The following SORCS3 variants were observed in gnomAD, a reference collection of about 807,000 sequenced individuals.
The protein encoded by SORCS3 is VPS10 domain-containing receptor SorCS3.
A neutral mutation model predicts 146.3 loss-of-function variants in SORCS3; 57 were observed. The ratio of observed to expected loss-of-function variants is 0.39; its 90% CI spans 0.31 to 0.49. The LOEUF is 0.49. Among genes scored for constraint, SORCS3 ranks in the 20% least tolerant of loss-of-function variants. The probability of loss-of-function intolerance (pLI) is 0.92; values close to 1 mark genes in which losing one functional copy is unlikely to be tolerated. For synonymous variants in SORCS3, 653 were observed against 618.5 expected (o/e 1.06, Z -0.83); for missense variants, 1,341 against 1,575.5 (o/e 0.85, Z 2.52).
At chr10:105,028,530 T>C (rs1419245902) in intron 4 of SORCS3, among the ~76,000 whole-genome samples, 1 of 152,166 alleles carries the variant, frequency 6.6e-6, no homozygotes, top group Non-Finnish European at 1.5e-5. Flanking sequence ...TATATCCACC[T>C]TGTGAATCTT....
intron 3 of SORCS3, among the ~76,000 whole-genome samples, chr10:104,955,152 T>C (rs967640048): frequency 1.3e-5 from 2 of 151,400 alleles, no homozygotes; most frequent in Admixed American, 6.6e-5. Context: ...AGAAGCCCTG[T>C]GACCATTAAG....
At chr10:105,154,936 A>G (rs557351268) in intron 9 of SORCS3, among the ~76,000 whole-genome samples, 44 of 152,368 alleles carry the variant, frequency 2.9e-4, no homozygotes, top group Admixed American at 1.0e-3. Context: ...AAAGTGATTC[A>G]GTAATAATGT....
intron 3 of SORCS3, among the ~76,000 whole-genome samples, chr10:104,931,466 A>G (rs1157508787): frequency 6.6e-6 from 1 of 152,226 alleles, no homozygotes; most frequent in Non-Finnish European, 1.5e-5. Context: ...GCCCAAGGGT[A>G]TAAATAAGGT....
intron 1 of SORCS3, among the ~76,000 whole-genome samples, chr10:104,767,427 A>G (rs1344246825): frequency 2.0e-5 from 3 of 152,138 alleles, no homozygotes; most frequent in Non-Finnish European, 4.4e-5. Flanking sequence ...GATACAGGCT[A>G]AGCCTTACCT....
intron 3 of SORCS3, among the ~76,000 whole-genome samples, chr10:104,971,450 C>T (rs979789766): frequency 3.3e-5 from 5 of 152,188 alleles, no homozygotes; most frequent in African/African-American, 1.2e-4. Flanking sequence ...GTCAAGGATG[C>T]ATCTTGGGCT....
At position 105,214,513 on chromosome 10, in the gene SORCS3, GC is replaced by G. The variant is rs1304672291; in HGVS notation, c.2450del (p.Pro817LeufsTer11). 1 of 1,614,070 alleles carries G rather than the reference GC, an allele frequency of 6.2e-7. No homozygotes were observed. Among genetic ancestry groups the G allele is most frequent in the Non-Finnish European group, 8.5e-7 (1 of 1,179,978 alleles). On this transcript the variant is annotated frameshift_variant, in exon 18 of 27. Coordinates refer to ENST00000369701, the MANE Select transcript of SORCS3 (RefSeq NM_014978.3). LOFTEE classifies it high-confidence loss of function. The stretch of plus-strand genomic sequence containing the variant: ...AAGTACACCGCCAAGGCCCAGATGT[GC>G]CCTGGAAAAGCCCCTCGGGGCCTCC... The part of the protein sequence containing the change: ...REKYTAKAQM[C>X]PGKAPRGLHV...
Position 105,047,532 on chromosome 10 carries a change from T to C in SORCS3, c.1028+4404T>C, listed in dbSNP as rs528820380. ...TATCAGGAACTTCAATTCTTACCCC[T>C]TTTCTGAGATATTTGGATTGCAACA... is the stretch of plus-strand genomic sequence containing the variant. On this transcript the variant is annotated intron_variant, in intron 5 of 26. Coordinates refer to ENST00000369701, the MANE Select transcript of SORCS3 (RefSeq NM_014978.3). Among the ~76,000 whole-genome samples the C allele has an allele frequency of 2.0e-5, 3 of 152,214 alleles. No individual in the cohort carries two copies. In the South Asian group the frequency reaches 6.2e-4, roughly 32 times the overall value.
At chr10:105,190,364 C>A (rs2056508488) in intron 14 of SORCS3, among the ~76,000 whole-genome samples, 1 of 152,248 alleles carries the variant, frequency 6.6e-6, no homozygotes, top group Non-Finnish European at 1.5e-5. Context: ...TGTTAGCATA[C>A]CCTCAGTGTT....
intron 14 of SORCS3, among the ~76,000 whole-genome samples, chr10:105,187,353 T>A (rs967951935): frequency 6.6e-6 from 1 of 152,158 alleles, no homozygotes; most frequent in African/African-American, 2.4e-5. Context: ...TCTATTAAGG[T>A]CTAGTTCATG....
chr10:105,252,913 G>T lies in SORCS3; in HGVS notation c.3237+7G>T. On this transcript the variant is annotated splice_region_variant and intron_variant, in intron 23 of 26. Coordinates refer to ENST00000369701, the MANE Select transcript of SORCS3 (RefSeq NM_014978.3). ...TGAAGGGGACCTGGAACAAGTAAGT[G>T]AAAGTAAATCTGGCTGGGACCCTTG... 1 of 1,613,530 alleles carries T rather than the reference G, an allele frequency of 6.2e-7. No individual in the cohort carries two copies. Among genetic ancestry groups the T allele is most frequent in the African/African-American group, 1.3e-5 (1 of 75,022 alleles).
intron 9 of SORCS3, among the ~76,000 whole-genome samples, chr10:105,155,977 C>T (rs369371825): frequency 2.3e-4 from 35 of 152,256 alleles, no homozygotes; most frequent in Admixed American, 8.5e-4. Flanking sequence ...CTTTTTATTT[C>T]GTCAATTAAA....
At chr10:105,251,751 T>G (rs2056899933) in intron 22 of SORCS3, among the ~76,000 whole-genome samples, 1 of 152,190 alleles carries the variant, frequency 6.6e-6, no homozygotes, top group African/African-American at 2.4e-5. Context: ...CTTTAAAAAT[T>G]TGCCTTCAGA....
chr10:104,668,723 A>G (rs1321306318), intron 1 of SORCS3, among the ~76,000 whole-genome samples: 1 of 152,228 alleles, frequency 6.6e-6, no homozygotes, highest in African/African-American at 2.4e-5. Flanking sequence ...AGCACAGATC[A>G]TATCTAGACT....
intron 2 of SORCS3, among the ~76,000 whole-genome samples, chr10:104,874,238 A>ATG (rs3070071): frequency 2.0e-4 from 1 of 5,068 alleles, no homozygotes; most frequent in African/African-American, 4.2e-3. Flanking sequence ...GCATTTTCAG[A>ATG]GTTTCTAGTT....
chr10:104,662,906 G>A (rs1015709789), intron 1 of SORCS3, among the ~76,000 whole-genome samples: 5 of 152,168 alleles, frequency 3.3e-5, no homozygotes, highest in Non-Finnish European at 7.3e-5. Flanking sequence ...CATGTAATTA[G>A]CAGTGGCATC....
intron 11 of SORCS3, among the ~76,000 whole-genome samples, chr10:105,161,251 G>A (rs892560205): frequency 3.9e-5 from 6 of 152,272 alleles, no homozygotes; most frequent in East Asian, 1.9e-4. Context: ...TCACTGGCGC[G>A]TGCCTCTTCA....
At chr10:104,935,935 C>A (rs753626241) in intron 3 of SORCS3, among the ~76,000 whole-genome samples, 3 of 152,078 alleles carry the variant, frequency 2.0e-5, no homozygotes, top group Non-Finnish European at 2.9e-5. Context: ...GGGCTCAGTA[C>A]AGGGCTCAGG....
chr10:104,796,989 T>A (rs889613498), intron 1 of SORCS3, among the ~76,000 whole-genome samples: 7 of 152,214 alleles, frequency 4.6e-5, no homozygotes. Flanking sequence ...CTCTGACACT[T>A]TGAGTGTTCA....
intron 2 of SORCS3, among the ~76,000 whole-genome samples, chr10:104,888,488 A>C (rs1224308396): frequency 6.6e-6 from 1 of 152,194 alleles, no homozygotes; most frequent in Non-Finnish European, 1.5e-5. Context: ...ATGTGCTACC[A>C]ATGCAAAGTG....
Sources: allele counts gnomAD v4.1 joint callset (sites outside exome capture counted in the v4.1 genomes callset), GRCh38; gene constraint gnomAD v4.1.1; transcripts MANE v1.5; gene names NCBI Gene and HGNC (gene_info 2026-07-23, HGNC 2026-07-21).